SLC8A1: variants seen among roughly 807,000 people sequenced by gnomAD.
The protein encoded by SLC8A1 is solute carrier family 8 member A1.
Under a neutral mutation model 68.3 loss-of-function variants are expected in SLC8A1, and 18 were observed. The observed-to-expected ratio is 0.26, with a 90% CI of 0.18 to 0.39. The LOEUF is 0.39. Ranked by LOEUF, SLC8A1 falls within the 10% of genes least tolerant of loss-of-function variation. SLC8A1 has a pLI of 1.00. For missense variants in SLC8A1, 985 were observed against 1,156.7 expected, an observed-to-expected ratio of 0.85 and a Z score of 2.15; for synonymous variants, 475 against 415.5, an observed-to-expected ratio of 1.14 and a Z score of -1.74.
chr2:40,297,392 T>C (rs1248479748), intron 2 of SLC8A1, among the ~76,000 whole-genome samples: 1 of 152,172 alleles, frequency 6.6e-6, no homozygotes, highest in Non-Finnish European at 1.5e-5. Context: ...GAAACAAAAA[T>C]GTACTGACAC....
At chr2:40,306,931 G>C (rs548071496) in intron 2 of SLC8A1, among the ~76,000 whole-genome samples, 1 of 152,026 alleles carries the variant, frequency 6.6e-6, no homozygotes, top group Non-Finnish European at 1.5e-5. Flanking sequence ...GAGTATCACT[G>C]CATTTACTAT....
At chr2:40,254,176 A>G (rs973179023) in intron 2 of SLC8A1, among the ~76,000 whole-genome samples, 3 of 148,096 alleles carry the variant, frequency 2.0e-5, no homozygotes, top group African/African-American at 2.5e-5. Context: ...TCAACAAAAA[A>G]TTAATATAAA....
intron 2 of SLC8A1, among the ~76,000 whole-genome samples, chr2:40,253,215 ATATT>A (rs1359054745): frequency 6.7e-6 from 1 of 149,384 alleles, no homozygotes; most frequent in African/African-American, 2.5e-5. Context: ...ACATCTATAC[ATATT>A]TACATATACA....
intron 2 of SLC8A1, among the ~76,000 whole-genome samples, chr2:40,244,219 C>T (rs189116719): frequency 6.6e-6 from 1 of 152,138 alleles, no homozygotes; most frequent in African/African-American, 2.4e-5. Context: ...ACACTGCACT[C>T]TTGGTTTAGT....
chr2:40,460,840 T>C, intron 1 of SLC8A1, among the ~76,000 whole-genome samples: 1 of 149,878 alleles, frequency 6.7e-6, no homozygotes, highest in African/African-American at 2.5e-5. Flanking sequence ...CCCTAAGTGC[T>C]GGGATTACAG....
intron 6 of SLC8A1, among the ~76,000 whole-genome samples, chr2:40,156,504 GAAA>G (rs2044534010): frequency 1.1e-3 from 1 of 894 alleles, no homozygotes; most frequent in Non-Finnish European, 0.019. Flanking sequence ...TTAGGTAAAA[GAAA>G]GAGGGAGGAG....
At chr2:40,289,360 C>T (rs1289699978) in intron 2 of SLC8A1, among the ~76,000 whole-genome samples, 1 of 151,986 alleles carries the variant, frequency 6.6e-6, no homozygotes, top group African/African-American at 2.4e-5. Flanking sequence ...CTTCTCTATT[C>T]AGGTTACAAA....
At position 40,462,046 on chromosome 2, in the gene SLC8A1, G is replaced by T. The variant is rs1334720714; in HGVS notation, c.-24-31742C>A. 5.0e-5 allele frequency among the ~76,000 whole-genome samples: 4 copies of T among 80,718 alleles called. 1 individual carries two copies. The highest frequency in any genetic ancestry group is 3.0e-4 in the South Asian group (1 of 3,366). 53.0% of individuals were successfully genotyped at this position (80,718 alleles called of 152,430 possible). ...TTTTGAGGTGGAGTCTCACTCTGTC[G>T]CCCAGGCTGGAGTGCAGTGGCACAA... On this transcript the variant is annotated intron_variant, in intron 1 of 7. Transcript: ENST00000402441.
intron 2 of SLC8A1, among the ~76,000 whole-genome samples, chr2:40,372,631 A>G (rs906420240): frequency 5.3e-5 from 8 of 152,128 alleles, no homozygotes; most frequent in Non-Finnish European, 1.0e-4. Context: ...TTTAGGCTAG[A>G]AAGACTGTTT....
intron 2 of SLC8A1, among the ~76,000 whole-genome samples, chr2:40,253,305 TAC>T (rs1455050587): frequency 1.3e-5 from 2 of 151,108 alleles, no homozygotes; most frequent in African/African-American, 4.9e-5. Context: ...TACACATATA[TAC>T]ACATATATAC....
intron 2 of SLC8A1, among the ~76,000 whole-genome samples, chr2:40,393,032 C>A (rs776672921): frequency 2.6e-5 from 4 of 152,058 alleles, no homozygotes; most frequent in African/African-American, 4.8e-5. Context: ...AATAGTGATA[C>A]TGACTGAATT....
chr2:40,439,778 A>T lies in SLC8A1; in HGVS notation c.-24-9474T>A, dbSNP rs1212213369. Among the ~76,000 whole-genome samples the T allele has an allele frequency of 4.6e-5, 7 of 152,090 alleles. No homozygotes were observed. The East Asian group carries it at 1.2e-3, about 25-fold the overall frequency. On this transcript the variant is annotated intron_variant, in intron 1 of 7. Transcript: ENST00000406785. The stretch of plus-strand genomic sequence containing the variant: ...AGTTTCAAATTACAGTCCTTGAAAG[A>T]ATAAGCTCTTCTTGAAAAGAGTGGA...
At chr2:40,255,250 G>GAAATGATGATATCC (rs2063717493) in intron 2 of SLC8A1, 1 of 152,002 alleles carries the variant, frequency 6.6e-6, no homozygotes, top group Non-Finnish European at 1.5e-5. Context: ...CCCCATGGTG[G>GAAATGATGATATCC]AAATGATGAT....
chr2:40,215,814 T>C (rs1467956050), intron 2 of SLC8A1, among the ~76,000 whole-genome samples: 1 of 152,072 alleles, frequency 6.6e-6, no homozygotes, highest in Non-Finnish European at 1.5e-5. Flanking sequence ...ATTATTATTA[T>C]TACCTTATAA....
At chr2:40,333,083 C>T (rs1412075791) in intron 2 of SLC8A1, among the ~76,000 whole-genome samples, 1 of 152,128 alleles carries the variant, frequency 6.6e-6, no homozygotes, top group East Asian at 1.9e-4. Context: ...AAAATTGATT[C>T]AGCAGAATGG....
intron 4 of SLC8A1, among the ~76,000 whole-genome samples, chr2:40,166,099 T>G (rs1305263778): frequency 1.3e-5 from 2 of 152,174 alleles, no homozygotes; most frequent in African/African-American, 4.8e-5. Context: ...AAAGGGATGT[T>G]TGGTCCTGGC....
chr2:40,265,135 C>G (rs1160028827), intron 2 of SLC8A1, among the ~76,000 whole-genome samples: 1 of 152,120 alleles, frequency 6.6e-6, no homozygotes, highest in Non-Finnish European at 1.5e-5. Flanking sequence ...GCGGATTGTC[C>G]AGGATCCTGT....
At chr2:40,452,414 C>T (rs1475611329), upstream of SLC8A1, among the ~76,000 whole-genome samples, 3 of 152,146 alleles carry the variant, frequency 2.0e-5, no homozygotes, top group African/African-American at 7.2e-5. Context: ...GGCTCTCGGC[C>T]CCGCAGTGCG....
chr2:40,465,849 G>C (rs1703639247), intron 1 of SLC8A1, among the ~76,000 whole-genome samples: 1 of 152,138 alleles, frequency 6.6e-6, no homozygotes, highest in Non-Finnish European at 1.5e-5. Flanking sequence ...CATTGGAAGT[G>C]TTTAGGTCAT....
Sources: gnomAD v4.1 joint callset for allele counts (sites outside exome capture counted in the v4.1 genomes callset) on GRCh38, gnomAD v4.1.1 for gene constraint, MANE v1.5 for transcripts, NCBI Gene and HGNC (gene_info 2026-07-23, HGNC 2026-07-21) for gene names.